BBX: variants seen among roughly 807,000 people sequenced by gnomAD.
BBX encodes the protein HMG box transcription factor BBX.
In BBX, 30 loss-of-function variants were observed where a neutral mutation model predicts 100.2. The ratio of observed to expected loss-of-function variants is 0.30; its 90% CI spans 0.22 to 0.41. The LOEUF (loss-of-function observed/expected upper bound fraction) is 0.41, where lower values mean the gene tolerates loss of function less well. BBX is among the 10% of genes least tolerant of loss of function. The pLI, the probability that BBX is intolerant of heterozygous loss-of-function variation, is 1.00. For missense variants in BBX, 1,023 were observed against 1,129.8 expected (o/e 0.91, Z 1.35); for synonymous variants, 376 against 388.1 (o/e 0.97, Z 0.37).
At chr3:107,539,151 A>C (rs769060344) in intron 2 of BBX, among the ~76,000 whole-genome samples, 3 of 152,058 alleles carry the variant, frequency 2.0e-5, no homozygotes, top group Non-Finnish European at 4.4e-5. Flanking sequence ...TATCATAACT[A>C]TTTGGTAATT....
intron 4 of BBX, among the ~76,000 whole-genome samples, chr3:107,715,661 G>C (rs1560027025): frequency 6.6e-6 from 1 of 152,170 alleles, no homozygotes; most frequent in East Asian, 1.9e-4. Context: ...TCAGAGATGG[G>C]CTTTAAGAAA....
At chr3:107,662,440 A>C (rs934405623) in intron 3 of BBX, 2 of 152,192 alleles carry the variant, frequency 1.3e-5, no homozygotes, top group African/African-American at 4.8e-5. Flanking sequence ...GAAAAGAAGT[A>C]CAGCCAAGTT....
At position 107,805,663 on chromosome 3, in the gene BBX, A is replaced by G; in HGVS notation, c.*206A>G. The G allele has an allele frequency of 1.1e-6, 1 of 906,380 alleles. No homozygotes were observed. Among genetic ancestry groups the G allele is most frequent in the Non-Finnish European group, 1.6e-6 (1 of 610,434 alleles). The allele number at this position is 906,380 out of a possible 1,614,324, so 56.1% of individuals were successfully genotyped here. ...ACCCAGAATCTTTGAGGGTAAGGTT[A>G]TCTGTCTGATACTGAGCAGAAACAG... On this transcript the variant is annotated 3_prime_UTR_variant, in exon 18 of 18. Transcript: ENST00000325805.
chr3:107,679,199 T>G (rs2059444907), intron 3 of BBX, among the ~76,000 whole-genome samples: 1 of 152,046 alleles, frequency 6.6e-6, no homozygotes, highest in Non-Finnish European at 1.5e-5. Flanking sequence ...CTGTGCCATT[T>G]TCTTATTGAA....
chr3:107,561,669 A>G (rs2050510075), intron 2 of BBX, among the ~76,000 whole-genome samples: 1 of 152,226 alleles, frequency 6.6e-6, no homozygotes, highest in Admixed American at 6.5e-5. Flanking sequence ...TCAAAATGCT[A>G]TATATTATTT....
At chr3:107,719,472 C>T (rs1408015341) in intron 5 of BBX, among the ~76,000 whole-genome samples, 2 of 151,950 alleles carry the variant, frequency 1.3e-5, no homozygotes, top group East Asian at 3.8e-4. Flanking sequence ...CCTCTGACCC[C>T]TTTCCTTCCT....
intron 3 of BBX, among the ~76,000 whole-genome samples, chr3:107,697,094 T>C (rs1347916748): frequency 1.4e-5 from 2 of 142,832 alleles, no homozygotes; most frequent in East Asian, 3.8e-4. Flanking sequence ...TAGTTATACA[T>C]TCTTCTAAAT....
chr3:107,707,011 G>T (rs1174812192), intron 3 of BBX, among the ~76,000 whole-genome samples: 3 of 152,116 alleles, frequency 2.0e-5, no homozygotes, highest in African/African-American at 7.2e-5. Context: ...AATTAAGAAA[G>T]AATTAGATAA....
At chr3:107,758,329 A>T (rs895530691) in intron 10 of BBX, among the ~76,000 whole-genome samples, 2 of 152,226 alleles carry the variant, frequency 1.3e-5, no homozygotes, top group Admixed American at 1.3e-4. Flanking sequence ...AGTTGACAGC[A>T]TGGAGAGACT....
chr3:107,675,930 A>G (rs1031883592), intron 3 of BBX, among the ~76,000 whole-genome samples: 1 of 152,302 alleles, frequency 6.6e-6, no homozygotes, highest in South Asian at 2.1e-4. Flanking sequence ...TATCCTATAA[A>G]TTAAATATGA....
chr3:107,653,564 T>TTATCTTGTA (rs1322942599), intron 3 of BBX, among the ~76,000 whole-genome samples: 1 of 152,206 alleles, frequency 6.6e-6, no homozygotes, highest in East Asian at 1.9e-4. Flanking sequence ...TTGTTTTGTA[T>TTATCTTGTA]TATCTTGTAT....
In BBX at chr3:107,582,530, A is replaced by G. The variant is rs559863529; in HGVS notation, c.-84+56132A>G. 9.5e-4 allele frequency among the ~76,000 whole-genome samples: 145 copies of G among 152,204 alleles called. 1 individual carries two copies. Among genetic ancestry groups the G allele is most frequent in the African/African-American group, 3.0e-3 (125 of 41,562 alleles). ...AGACAGTTCCCAGGGACAAATTTCA[A>G]CAAAGGAGGGTACGTTCTCCCTGTT... On this transcript the variant is annotated intron_variant, in intron 2 of 17. Coordinates refer to ENST00000325805, the MANE Select transcript of BBX (RefSeq NM_001142568.3).
At chr3:107,686,300 T>C (rs2059841216) in intron 3 of BBX, among the ~76,000 whole-genome samples, 1 of 152,206 alleles carries the variant, frequency 6.6e-6, no homozygotes, top group Admixed American at 6.5e-5. Flanking sequence ...TGATTCCCAA[T>C]GTATGCTTCA....
At chr3:107,757,075 A>G (rs2107680922) in intron 10 of BBX, among the ~76,000 whole-genome samples, 1 of 152,248 alleles carries the variant, frequency 6.6e-6, no homozygotes, top group African/African-American at 2.4e-5. Flanking sequence ...TGTGCTGGTT[A>G]TATAATTGCA....
At chr3:107,711,430 G>A (rs1355468045) in intron 4 of BBX, 10 of 415,242 alleles carry the variant, frequency 2.4e-5, no homozygotes, top group African/African-American at 8.4e-5. Flanking sequence ...GTGTCACTAC[G>A]AATTTTATAA....
intron 3 of BBX, among the ~76,000 whole-genome samples, chr3:107,656,093 T>G (rs996574233): frequency 3.9e-5 from 6 of 152,216 alleles, no homozygotes; most frequent in Non-Finnish European, 2.9e-5. Flanking sequence ...ATTCTGTTAT[T>G]TAATTCATAA....
intron 7 of BBX, among the ~76,000 whole-genome samples, chr3:107,733,849 A>G (rs1050541300): frequency 2.0e-5 from 3 of 152,180 alleles, no homozygotes; most frequent in African/African-American, 4.8e-5. Flanking sequence ...TGCTTTGGCT[A>G]AACATTTTTA....
intron 2 of BBX, among the ~76,000 whole-genome samples, chr3:107,621,664 T>C (rs1190966845): frequency 6.6e-6 from 1 of 152,178 alleles, no homozygotes; most frequent in Non-Finnish European, 1.5e-5. Context: ...GGCAGTGACA[T>C]AGTGTTCTTT....
intron 6 of BBX, among the ~76,000 whole-genome samples, chr3:107,731,156 TTATG>T (rs1466552893): frequency 1.3e-5 from 2 of 152,174 alleles, no homozygotes; most frequent in Admixed American, 1.3e-4. Flanking sequence ...CTAAATAACT[TTATG>T]TAAGTATGAA....
Sources: gnomAD v4.1 joint callset for allele counts (sites outside exome capture counted in the v4.1 genomes callset) on GRCh38, gnomAD v4.1.1 for gene constraint, MANE v1.5 for transcripts, NCBI Gene and HGNC (gene_info 2026-07-23, HGNC 2026-07-21) for gene names.